The following TDRD5 variants were observed in gnomAD, a reference collection of about 807,000 sequenced individuals.
TDRD5 encodes tudor domain containing 5, also known as tudor domain-containing protein 5.
TDRD5 carries 41 observed loss-of-function variants against 120.6 expected under a neutral mutation model. The ratio of observed to expected loss-of-function variants is 0.34; its 90% CI spans 0.26 to 0.44. TDRD5 has a LOEUF of 0.44. TDRD5 is among the 20% of genes least tolerant of loss of function. The pLI, the probability that TDRD5 is intolerant of heterozygous loss-of-function variation, is 1.00. For missense variants in TDRD5, 1,006 were observed against 1,221.2 expected (o/e 0.82, Z 2.63); for synonymous variants, 430 against 433.7 (o/e 0.99, Z 0.11).
At chr1:179,629,033 C>T (rs745585154) in intron 6 of TDRD5, among the ~76,000 whole-genome samples, 3 of 152,266 alleles carry the variant, frequency 2.0e-5, no homozygotes, top group Non-Finnish European at 4.4e-5. Flanking sequence ...CACTCAGCAT[C>T]ATCACAGTTT....
chr1:179,681,214 A>G (rs547469427), intron 17 of TDRD5, among the ~76,000 whole-genome samples: 2 of 152,344 alleles, frequency 1.3e-5, no homozygotes, highest in Non-Finnish European at 1.5e-5. Flanking sequence ...AGCAGCTAGG[A>G]TCACAGTTGC....
chr1:179,598,802 C>T (rs906275389), intron 4 of TDRD5, among the ~76,000 whole-genome samples: 6 of 151,864 alleles, frequency 4.0e-5, no homozygotes, highest in Non-Finnish European at 8.8e-5. Context: ...CTGCATAGAC[C>T]GTCATGCCAT....
At chr1:179,615,175 A>G (rs1224948809) in intron 4 of TDRD5, among the ~76,000 whole-genome samples, 1 of 152,130 alleles carries the variant, frequency 6.6e-6, no homozygotes, top group Non-Finnish European at 1.5e-5. Flanking sequence ...TGATCGATTC[A>G]GGTCTATCTC....
intron 14 of TDRD5, among the ~76,000 whole-genome samples, chr1:179,655,110 G>T (rs1023187795): frequency 3.3e-5 from 5 of 151,962 alleles, no homozygotes; most frequent in Admixed American, 1.3e-4. Flanking sequence ...AGCTGCTTTT[G>T]GAATTTACTT....
In TDRD5 at chr1:179,639,465, C is replaced by G. The variant is rs772889749; in HGVS notation, c.1521-374C>G. Among the ~76,000 whole-genome samples the G allele has an allele frequency of 4.6e-5, 7 of 152,242 alleles. No individual in the cohort carries two copies. In the East Asian group the frequency reaches 1.2e-3, roughly 25 times the overall value. On this transcript the variant is annotated intron_variant, in intron 9 of 17. Transcript: ENST00000444136. ...AAGGGTTTGAAACAGGATAGGGTAA[C>G]GCTGCAGCAAGATAATGTGTATTGA...
intron 17 of TDRD5, among the ~76,000 whole-genome samples, chr1:179,686,490 G>A (rs1198843104): frequency 1.3e-5 from 2 of 152,184 alleles, no homozygotes; most frequent in Non-Finnish European, 2.9e-5. Flanking sequence ...CAGGGATATT[G>A]GTCTAAAATT....
At chr1:179,648,039 C>T (rs1487554954) in intron 11 of TDRD5, among the ~76,000 whole-genome samples, 14 of 152,014 alleles carry the variant, frequency 9.2e-5, no homozygotes, top group African/African-American at 1.2e-4. Flanking sequence ...GTCAGTGTGG[C>T]GATTCCTCAG....
intron 1 of TDRD5, 160 bp from the exon 2 acceptor site, chr1:179,592,442 G>T: frequency 6.8e-6 from 4 of 588,104 alleles, no homozygotes; most frequent in Non-Finnish European, 1.2e-5. Flanking sequence ...GGCTTGAATC[G>T]CCCGGCCACG....
rs1161540241 is a variant in TDRD5, at chr1:179,652,250, A to AT, written c.2160+60dup. 36 of 1,490,182 alleles carry AT rather than the reference A, an allele frequency of 2.4e-5. No homozygotes were observed. The East Asian group carries it at 7.6e-4, about 31-fold the overall frequency. 92.3% of individuals were successfully genotyped at this position (1,490,182 alleles called of 1,614,324 possible). A position where few individuals can be genotyped will look rare whatever the true frequency, so the allele number is the denominator to read the frequency against. The stretch of plus-strand genomic sequence containing the variant: ...AATTCTTTTTATTACTGTAATCCTC[A>AT]TTTTTTTAGATGAAGAAACCAAGGC... On this transcript the variant is annotated intron_variant, in intron 13 of 17. Coordinates refer to ENST00000444136, the MANE Select transcript of TDRD5 (RefSeq NM_001199085.3).
At chr1:179,603,276 G>C (rs781771293) in intron 4 of TDRD5, among the ~76,000 whole-genome samples, 1 of 152,136 alleles carries the variant, frequency 6.6e-6, no homozygotes, top group African/African-American at 2.4e-5. Flanking sequence ...GATCTTTCTG[G>C]AGGAGTCTTT....
chr1:179,683,644 T>G (rs887092714), intron 17 of TDRD5, among the ~76,000 whole-genome samples: 7 of 152,236 alleles, frequency 4.6e-5, no homozygotes, highest in African/African-American at 1.7e-4. Flanking sequence ...TTTCTCTGAA[T>G]TTTTTGAAAT....
At chr1:179,648,271 A>G (rs1678504376) in intron 11 of TDRD5, among the ~76,000 whole-genome samples, 1 of 146,908 alleles carries the variant, frequency 6.8e-6, no homozygotes, top group African/African-American at 2.5e-5. Context: ...GCAGCCATAA[A>G]AAATGATGAG....
intron 6 of TDRD5, among the ~76,000 whole-genome samples, chr1:179,625,620 T>G (rs1467902741): frequency 6.6e-6 from 1 of 152,196 alleles, no homozygotes; most frequent in Non-Finnish European, 1.5e-5. Flanking sequence ...CTTGTAAGTG[T>G]GTATTTATCC....
chr1:179,642,599 A>G (rs150610862), intron 11 of TDRD5, among the ~76,000 whole-genome samples: 20 of 152,260 alleles, frequency 1.3e-4, no homozygotes, highest in African/African-American at 3.8e-4. Flanking sequence ...ACCTTGTTTT[A>G]TCTTCATAAT....
At chr1:179,685,289 A>C (rs1328085260) in intron 17 of TDRD5, among the ~76,000 whole-genome samples, 2 of 152,196 alleles carry the variant, frequency 1.3e-5, no homozygotes, top group African/African-American at 2.4e-5. Context: ...AGCACCATTT[A>C]TTAAATAGGG....
In TDRD5 at chr1:179,620,888, C is replaced by G. The variant is rs1263165076; in HGVS notation, c.916-147C>G. On this transcript the variant is annotated intron_variant, in intron 5 of 17. Coordinates refer to ENST00000444136, the MANE Select transcript of TDRD5 (RefSeq NM_001199085.3). Reference sequence around the variant, plus strand: ...CTAATGTTTTTTAAAACTGGAAACTCATTTTCAAAAAAAAACAATTTAATA... The same window carrying G: ...CTAATGTTTTTTAAAACTGGAAACTGATTTTCAAAAAAAAACAATTTAATA... The G allele has an allele frequency of 5.1e-6, 3 of 585,494 alleles. No individual in the cohort carries two copies. In the African/African-American group the frequency reaches 6.1e-5, roughly 12 times the overall value. 36.3% of individuals were successfully genotyped at this position (585,494 alleles called of 1,614,324 possible).
At chr1:179,670,700 T>C (rs1679816473) in intron 17 of TDRD5, among the ~76,000 whole-genome samples, 1 of 152,236 alleles carries the variant, frequency 6.6e-6, no homozygotes, top group Non-Finnish European at 1.5e-5. Flanking sequence ...TTGCCATTCA[T>C]ATATCTTCTT....
chr1:179,676,242 C>T (rs1434245257), intron 17 of TDRD5, among the ~76,000 whole-genome samples: 1 of 152,124 alleles, frequency 6.6e-6, no homozygotes, highest in Non-Finnish European at 1.5e-5. Flanking sequence ...TTCTGTGAGT[C>T]CTTATGTGTT....
At chr1:179,674,148 A>G (rs1325405990) in intron 17 of TDRD5, among the ~76,000 whole-genome samples, 1 of 152,152 alleles carries the variant, frequency 6.6e-6, no homozygotes, top group African/African-American at 2.4e-5. Flanking sequence ...AATGCTTTCA[A>G]CTTTTCCCCA....
Sources: allele counts gnomAD v4.1 joint callset (sites outside exome capture counted in the v4.1 genomes callset), GRCh38; gene constraint gnomAD v4.1.1; transcripts MANE v1.5; gene names NCBI Gene and HGNC (gene_info 2026-07-23, HGNC 2026-07-21).